Variants in PTPRD observed in about 807,000 individuals in gnomAD.
PTPRD encodes protein tyrosine phosphatase receptor type D.
Under a neutral mutation model 214.5 loss-of-function variants are expected in PTPRD, and 34 were observed. The ratio of observed to expected loss-of-function variants is 0.16; its 90% CI spans 0.12 to 0.21. The LOEUF is 0.21. Ranked by LOEUF, PTPRD falls within the 10% of genes least tolerant of loss-of-function variation. The pLI is 1.00. For synonymous variants in PTPRD, 1,128 were observed against 845.7 expected, an observed-to-expected ratio of 1.33 and a Z score of -5.79; for missense variants, 2,545 against 2,398.7, an observed-to-expected ratio of 1.06 and a Z score of -1.27.
intron 11 of PTPRD, among the ~76,000 whole-genome samples, chr9:8,751,205 C>T (rs1397323144): frequency 1.3e-5 from 2 of 152,048 alleles, no homozygotes; most frequent in Non-Finnish European, 2.9e-5. Context: ...TCTCCCATTT[C>T]TCTTCCATAG....
intron 3 of PTPRD, among the ~76,000 whole-genome samples, chr9:10,333,679 T>A (rs957179732): frequency 1.8e-4 from 27 of 151,866 alleles, no homozygotes; most frequent in Non-Finnish European, 3.7e-4. Flanking sequence ...TTCCATGGCA[T>A]ACACCAGGAT....
At chr9:10,082,022 G>C (rs2098246500) in intron 3 of PTPRD, among the ~76,000 whole-genome samples, 2 of 151,884 alleles carry the variant, frequency 1.3e-5, no homozygotes, top group South Asian at 4.2e-4. Flanking sequence ...TGAATATAAG[G>C]GTTATACCTC....
intron 7 of PTPRD, among the ~76,000 whole-genome samples, chr9:9,610,903 C>A (rs76879942): frequency 0.017 from 2,515 of 152,184 alleles, 73 homozygotes; most frequent in African/African-American, 0.058. Context: ...CACATGAAGA[C>A]CAGGGGCTAC....
At chr9:10,031,681 C>T (rs4741005) in intron 4 of PTPRD, among the ~76,000 whole-genome samples, 35,553 of 129,658 alleles carry the variant, frequency 0.27, 5,904 homozygotes, top group East Asian at 0.58. Context: ...CACACACACA[C>T]ATATCCTATT....
intron 12 of PTPRD, among the ~76,000 whole-genome samples, chr9:8,714,649 G>C (rs2098411072): frequency 6.6e-6 from 1 of 151,890 alleles, no homozygotes; most frequent in South Asian, 2.1e-4. Flanking sequence ...CTGTTTTCCT[G>C]GCCTGGAATA....
intron 8 of PTPRD, among the ~76,000 whole-genome samples, chr9:9,567,736 G>T (rs1416355163): frequency 2.0e-5 from 3 of 151,886 alleles, no homozygotes; most frequent in Non-Finnish European, 2.9e-5. Context: ...GCTTCTCTAT[G>T]CAGCCTTGAG....
intron 2 of PTPRD, among the ~76,000 whole-genome samples, chr9:10,407,953 T>A (rs1234874109): frequency 1.3e-5 from 2 of 151,520 alleles, no homozygotes; most frequent in African/African-American, 2.4e-5. Flanking sequence ...AGGCGATGAT[T>A]TCTCAAAAGC....
intron 21 of PTPRD, among the ~76,000 whole-genome samples, chr9:8,517,643 T>C (rs1592565659): frequency 6.6e-6 from 1 of 152,338 alleles, no homozygotes; most frequent in South Asian, 2.1e-4. Context: ...AGAAGGGGTG[T>C]TAATGCATTG....
chr9:9,072,389 T>A (rs901056930), intron 10 of PTPRD, among the ~76,000 whole-genome samples: 2 of 151,734 alleles, frequency 1.3e-5, no homozygotes, highest in Non-Finnish European at 2.9e-5. Context: ...GCTACCAGAC[T>A]ATACACAATG....
intron 8 of PTPRD, among the ~76,000 whole-genome samples, chr9:9,534,646 T>A (rs2076159140): frequency 6.6e-6 from 1 of 152,082 alleles, no homozygotes; most frequent in South Asian, 2.1e-4. Context: ...AATAACGCTT[T>A]TTAAAGTTCA....
At chr9:10,495,920 A>G (rs1009632548) in intron 2 of PTPRD, among the ~76,000 whole-genome samples, 1 of 151,814 alleles carries the variant, frequency 6.6e-6, no homozygotes, top group Non-Finnish European at 1.5e-5. Flanking sequence ...GAGAAATACA[A>G]ATTGGCTGAG....
intron 9 of PTPRD, among the ~76,000 whole-genome samples, chr9:9,244,698 G>C (rs1006472075): frequency 6.6e-6 from 1 of 152,018 alleles, no homozygotes; most frequent in African/African-American, 2.4e-5. Context: ...AGAAAACCTA[G>C]GCAATACCAT....
intron 14 of PTPRD, among the ~76,000 whole-genome samples, chr9:8,579,062 C>T (rs535937770): frequency 7.9e-5 from 12 of 152,090 alleles, no homozygotes; most frequent in East Asian, 1.9e-4. Flanking sequence ...AATCTGTAGT[C>T]GATTTTAAAA....
At chr9:9,564,602 T>A (rs1382191896) in intron 8 of PTPRD, among the ~76,000 whole-genome samples, 1 of 151,996 alleles carries the variant, frequency 6.6e-6, no homozygotes, top group Non-Finnish European at 1.5e-5. Context: ...TTTAAACAAT[T>A]TTCAAACTTA....
At chr9:9,846,882 A>T (rs1429560165) in intron 5 of PTPRD, among the ~76,000 whole-genome samples, 14 of 152,084 alleles carry the variant, frequency 9.2e-5, no homozygotes, top group Non-Finnish European at 1.5e-5. Flanking sequence ...AGAATTAAAG[A>T]GAGTAGGGGA....
chr9:8,925,306 G>T (rs1379615540), intron 11 of PTPRD, among the ~76,000 whole-genome samples: 1 of 152,028 alleles, frequency 6.6e-6, no homozygotes, highest in Non-Finnish European at 1.5e-5. Flanking sequence ...GGCAGGGATG[G>T]TGTAGGATGG....
intron 12 of PTPRD, among the ~76,000 whole-genome samples, chr9:8,717,276 G>T (rs2098447303): frequency 6.6e-6 from 1 of 152,310 alleles, no homozygotes; most frequent in East Asian, 1.9e-4. Context: ...AGGGATGGAA[G>T]AGAAATACAC....
Position 9,045,546 on chromosome 9 carries a change from A to G in PTPRD, c.-142-26811T>C, listed in dbSNP as rs970138614. ...TCAAGGTAACAGTTGAAGTTGCAGG[A>G]GCAAGAACAGCCCATGGTTGCTTCT... On this transcript the variant is annotated intron_variant, in intron 10 of 45. Coordinates refer to ENST00000381196, the MANE Select transcript of PTPRD (RefSeq NM_002839.4). 3.9e-5 allele frequency among the ~76,000 whole-genome samples: 6 copies of G among 152,312 alleles called. No homozygotes were observed. In the South Asian group the frequency reaches 1.0e-3, roughly 26 times the overall value.
intron 3 of PTPRD, among the ~76,000 whole-genome samples, chr9:10,302,797 G>A (rs1401614413): frequency 2.0e-5 from 3 of 152,050 alleles, no homozygotes; most frequent in Non-Finnish European, 4.4e-5. Context: ...AGACTTAGAC[G>A]CCCACACAAT....
Sources: allele counts gnomAD v4.1 joint callset (sites outside exome capture counted in the v4.1 genomes callset), GRCh38; gene constraint gnomAD v4.1.1; transcripts MANE v1.5; gene names NCBI Gene and HGNC (gene_info 2026-07-23, HGNC 2026-07-21).